Variants in KCNG2 observed in about 807,000 individuals in gnomAD.
The protein encoded by KCNG2 is voltage-gated potassium channel regulatory subunit KCNG2.
A neutral mutation model predicts 12.3 loss-of-function variants in KCNG2; 7 were observed. The ratio of observed to expected loss-of-function variants is 0.57; its 90% CI spans 0.32 to 1.07. The LOEUF (loss-of-function observed/expected upper bound fraction) is 1.07, where lower values mean the gene tolerates loss of function less well. Among genes scored for constraint, KCNG2 ranks in the 50% least tolerant of loss-of-function variants. The pLI is 0.04. For missense variants in KCNG2, 703 were observed against 726.0 expected (o/e 0.97, Z 0.36); for synonymous variants, 414 against 351.4 (o/e 1.18, Z -1.99).
intron 1 of KCNG2, among the ~76,000 whole-genome samples, chr18:79,805,081 T>C (rs1382239605): frequency 1.3e-5 from 2 of 152,230 alleles, no homozygotes; most frequent in Non-Finnish European, 2.9e-5. Flanking sequence ...ATTGGCCATG[T>C]AGGTTGTTTC....
chr18:79,855,926 T>C (rs1978993439), intron 1 of KCNG2, among the ~76,000 whole-genome samples: 1 of 152,244 alleles, frequency 6.6e-6, no homozygotes, highest in South Asian at 2.1e-4. Context: ...CCCTTTGATG[T>C]GAACTTTATG....
intron 3 of KCNG2, among the ~76,000 whole-genome samples, chr18:79,882,574 C>T (rs940998699): frequency 1.4e-4 from 22 of 152,378 alleles, no homozygotes; most frequent in African/African-American, 4.6e-4. Flanking sequence ...GCAAATACAG[C>T]GCTGAACTGT....
At chr18:79,824,352 G>A (rs1329942806) in intron 1 of KCNG2, among the ~76,000 whole-genome samples, 1 of 152,232 alleles carries the variant, frequency 6.6e-6, no homozygotes, top group Non-Finnish European at 1.5e-5. Flanking sequence ...TAGGAAGGCT[G>A]TTGATTTTAT....
chr18:79,806,271 C>T (rs1159890404), intron 1 of KCNG2, among the ~76,000 whole-genome samples: 1 of 150,738 alleles, frequency 6.6e-6, no homozygotes, highest in Non-Finnish European at 1.5e-5. Context: ...GCCCCTTGAG[C>T]GTTTGTGGTC....
intron 3 of KCNG2, among the ~76,000 whole-genome samples, chr18:79,880,879 G>A (rs1314492656): frequency 4.6e-5 from 7 of 152,146 alleles, no homozygotes; most frequent in Admixed American, 1.3e-4. Flanking sequence ...TAGAAAAAGC[G>A]TTTGACTAAA....
chr18:79,832,542 C>G (rs1226309899), intron 1 of KCNG2, among the ~76,000 whole-genome samples: 1 of 152,246 alleles, frequency 6.6e-6, no homozygotes, highest in African/African-American at 2.4e-5. Context: ...CTACTTCCCT[C>G]CTCTATCTTC....
chr18:79,799,439 C>A (rs1444654329), intron 1 of KCNG2, among the ~76,000 whole-genome samples: 1 of 152,134 alleles, frequency 6.6e-6, no homozygotes, highest in Non-Finnish European at 1.5e-5. Flanking sequence ...ATGGGATTGC[C>A]GGGCTTTCTT....
chr18:79,847,332 T>C (rs879837845), intron 1 of KCNG2, among the ~76,000 whole-genome samples: 12 of 152,154 alleles, frequency 7.9e-5, no homozygotes, highest in Non-Finnish European at 1.5e-4. Context: ...TGTTGAACAG[T>C]ATCCCTGGCC....
chr18:79,868,949 GAC>G (rs1358294773), intron 3 of KCNG2, among the ~76,000 whole-genome samples: 1 of 152,198 alleles, frequency 6.6e-6, no homozygotes, highest in Non-Finnish European at 1.5e-5. Context: ...CGGTGTTACT[GAC>G]AGAATGTGAG....
intron 3 of KCNG2, among the ~76,000 whole-genome samples, chr18:79,895,621 T>C (rs928361007): frequency 3.3e-5 from 5 of 152,166 alleles, no homozygotes; most frequent in Admixed American, 1.3e-4. Context: ...ACGATTGATA[T>C]AGTTGAGTCT....
At chr18:79,892,129 A>AAC (rs1555696673) in intron 3 of KCNG2, among the ~76,000 whole-genome samples, 36 of 150,982 alleles carry the variant, frequency 2.4e-4, no homozygotes, top group East Asian at 1.8e-3. Flanking sequence ...AAAAAAAAAA[A>AAC]AACAACACAG....
chr18:79,833,172 G>A (rs1319793577), intron 1 of KCNG2, among the ~76,000 whole-genome samples: 1 of 151,982 alleles, frequency 6.6e-6, no homozygotes, highest in African/African-American at 2.4e-5. Context: ...GTCTCACTCT[G>A]TAACCCAGGC....
In KCNG2 at chr18:79,884,367, C is replaced by T. The variant is rs1046123493; in HGVS notation, c.625-14673C>T. 1.4e-4 allele frequency among the ~76,000 whole-genome samples: 22 copies of T among 152,338 alleles called. No individual in the cohort carries two copies. Among genetic ancestry groups the T allele is most frequent in the African/African-American group, 4.6e-4 (19 of 41,586 alleles). On this transcript the variant is annotated intron_variant, in intron 3 of 3. Transcript: ENST00000316249. This position sits in a 1 kb window ranked among gnomAD's most constrained non-coding sequence, Gnocchi z 5.5. ...TCCTTCAAGGAGGCCCCCAGCTCTG[C>T]AGCCCCCACCACTGCTGGATTCCCG...
At chr18:79,824,131 A>G (rs1038606664) in intron 1 of KCNG2, among the ~76,000 whole-genome samples, 10 of 152,152 alleles carry the variant, frequency 6.6e-5, no homozygotes, top group African/African-American at 2.2e-4. Context: ...CAGCCTCCCA[A>G]GTAGCTGGGA....
intron 1 of KCNG2, among the ~76,000 whole-genome samples, chr18:79,804,080 G>A (rs2087431032): frequency 6.6e-6 from 1 of 152,182 alleles, no homozygotes; most frequent in Non-Finnish European, 1.5e-5. Context: ...ATCATGGGGT[G>A]GCCAGAGCAC....
At chr18:79,805,991 C>T (rs1336318664) in intron 1 of KCNG2, among the ~76,000 whole-genome samples, 4 of 151,916 alleles carry the variant, frequency 2.6e-5, no homozygotes, top group South Asian at 2.1e-4. Context: ...CAGCCAGGCC[C>T]GAGCTTGCAT....
At chr18:79,808,122 C>T (rs1382193938) in intron 1 of KCNG2, among the ~76,000 whole-genome samples, 28 of 120,940 alleles carry the variant, frequency 2.3e-4, no homozygotes, top group African/African-American at 7.3e-4. Context: ...CCAGAGTCCG[C>T]GCTCTGAGGA....
intron 1 of KCNG2, among the ~76,000 whole-genome samples, chr18:79,832,874 A>T (rs938345566): frequency 2.6e-5 from 4 of 152,174 alleles, no homozygotes; most frequent in African/African-American, 9.7e-5. Context: ...TCTGCTCCTT[A>T]AGCCCCTGGC....
intron 3 of KCNG2, among the ~76,000 whole-genome samples, chr18:79,885,714 TGG>T (rs1338264642): frequency 6.6e-6 from 1 of 152,024 alleles, no homozygotes; most frequent in African/African-American, 2.4e-5. Flanking sequence ...CCAGGGGACA[TGG>T]GATGGGGACA....
Sources: gnomAD v4.1 joint callset for allele counts (sites outside exome capture counted in the v4.1 genomes callset) on GRCh38, gnomAD v4.1.1 for gene constraint, Gnocchi (gnomAD v3.1) non-coding constraint, MANE v1.5 for transcripts, NCBI Gene and HGNC (gene_info 2026-07-23, HGNC 2026-07-21) for gene names.